Variants in PRAM1 observed in about 807,000 individuals in gnomAD.
PRAM1 encodes PML-RARA regulated adaptor molecule 1, also known as PML-RARA-regulated adapter molecule 1.
Under a neutral mutation model 55.3 loss-of-function variants are expected in PRAM1, and 41 were observed. That is an observed-to-expected ratio of 0.74 (90% CI 0.58 to 0.96). The LOEUF (loss-of-function observed/expected upper bound fraction) is 0.96, where lower values mean the gene tolerates loss of function less well. Ranked by LOEUF, PRAM1 falls within the 40% of genes least tolerant of loss-of-function variation. PRAM1 has a pLI of 0.00. For missense variants in PRAM1, 898 were observed against 892.7 expected (o/e 1.01, Z -0.08); for synonymous variants, 401 against 387.1 (o/e 1.04, Z -0.42).
At chr19:8,497,623 G>T in intron 4 of PRAM1, 141 bp downstream of exon 4, 2 of 622,420 alleles carry the variant, frequency 3.2e-6, no homozygotes, top group Non-Finnish European at 5.5e-6. Flanking sequence ...CTGGTCCTTC[G>T]CCTCTGGGCT....
intron 1 of PRAM1, 94 bp from the exon 2 acceptor site, chr19:8,499,874 AC>A: frequency 9.2e-7 from 1 of 1,092,414 alleles, no homozygotes; most frequent in Non-Finnish European, 1.3e-6. Context: ...GCCCACAACC[AC>A]CACCCCTGCG....
At chr19:8,494,694 G>T (rs1207601945) in intron 4 of PRAM1, among the ~76,000 whole-genome samples, 1 of 148,702 alleles carries the variant, frequency 6.7e-6, no homozygotes, top group Non-Finnish European at 1.5e-5. Flanking sequence ...TGCAATGGCA[G>T]GATCTCAGCT....
rs762661919 is a variant in PRAM1, at chr19:8,490,554, G to A, written c.1906+40C>T. On this transcript the variant is annotated intron_variant, in intron 7 of 9. Coordinates refer to ENST00000423345, the MANE Select transcript of PRAM1 (RefSeq NM_032152.5). The surrounding 1 kb of genome is among the most constrained non-coding windows in gnomAD (Gnocchi z 7.3). ...GGTGGGTTCTGAGGCCCAGGGTGGCGGCGGGGACCTCCCGGGGCTGCGGGG... is the reference window on the plus strand; with the variant it reads ...GGTGGGTTCTGAGGCCCAGGGTGGCAGCGGGGACCTCCCGGGGCTGCGGGG... 2.4e-5 allele frequency: 39 copies of A among 1,600,146 alleles called. No individual in the cohort carries two copies. Among genetic ancestry groups the A allele is most frequent in the South Asian group, 5.6e-5 (5 of 89,352 alleles).
At chr19:8,500,665 C>A (rs1037108136) in intron 1 of PRAM1, among the ~76,000 whole-genome samples, 1 of 152,154 alleles carries the variant, frequency 6.6e-6, no homozygotes, top group African/African-American at 2.4e-5. Context: ...CTGTCCCTGA[C>A]CCAGGACATG....
chr19:8,494,087 C>T (rs189501090), intron 4 of PRAM1, among the ~76,000 whole-genome samples: 6 of 152,304 alleles, frequency 3.9e-5, no homozygotes, highest in South Asian at 2.1e-4. Flanking sequence ...CATGAGCCAC[C>T]GCGCCCGGCC....
chr19:8,501,796 T>C (rs914615633), intron 1 of PRAM1, among the ~76,000 whole-genome samples: 1 of 152,152 alleles, frequency 6.6e-6, no homozygotes, highest in Non-Finnish European at 1.5e-5. Flanking sequence ...CAGTTGACAG[T>C]GCCTGAGAGG....
rs977193154 is a variant in PRAM1 at position 8,491,083 on chromosome 19, C to G, written c.1634+17G>C. The G allele has an allele frequency of 6.2e-7, 1 of 1,612,148 alleles. No individual in the cohort carries two copies. The highest frequency in any genetic ancestry group is 8.5e-7 in the Non-Finnish European group (1 of 1,179,844). ...GGAGCTCGCCCCCCGTCTGCCCACCCCCTCTGCCCATGGCACCTGAGCGCT... is the reference window on the plus strand; with the variant it reads ...GGAGCTCGCCCCCCGTCTGCCCACCGCCTCTGCCCATGGCACCTGAGCGCT... On this transcript the variant is annotated intron_variant, in intron 5 of 9. Coordinates refer to ENST00000423345, the MANE Select transcript of PRAM1 (RefSeq NM_032152.5).
At chr19:8,496,640 G>T (rs917127864) in intron 4 of PRAM1, among the ~76,000 whole-genome samples, 2 of 152,104 alleles carry the variant, frequency 1.3e-5, no homozygotes, top group East Asian at 1.9e-4. Context: ...CAGGAGAATC[G>T]CTTGAACACG....
In PRAM1 at chr19:8,490,818, C is replaced by A; in HGVS notation, c.1744-62G>T. On this transcript the variant is annotated intron_variant, in intron 6 of 9. Coordinates refer to ENST00000423345, the MANE Select transcript of PRAM1 (RefSeq NM_032152.5). The surrounding 1 kb of genome is among the most constrained non-coding windows in gnomAD (Gnocchi z 7.3). ...CCGCCCTTGGGCCCCTGTCTTCTTT[C>A]TGAGCCTGGGATCGGTGGGACCCTG... 1.2e-6 allele frequency: 2 copies of A among 1,607,742 alleles called. No homozygotes were observed. The highest frequency in any genetic ancestry group is 1.7e-6 in the Non-Finnish European group (2 of 1,178,864).
chr19:8,496,060 CCCT>C (rs1321414886), intron 4 of PRAM1: 4 of 456,110 alleles, frequency 8.8e-6, no homozygotes, highest in Middle Eastern at 3.3e-4. Context: ...CCACACCTCC[CCCT>C]GAGTTTCAGG....
Position 8,490,399 on chromosome 19 carries a change from G to C in PRAM1, c.1941-27C>G. The stretch of plus-strand genomic sequence containing the variant: ...TGGCAGAGCACAGTTGGGTCAGCAA[G>C]GGGCACCGTGGCCCATTCCCCCCAC... On this transcript the variant is annotated intron_variant, in intron 8 of 9. Coordinates refer to ENST00000423345, the MANE Select transcript of PRAM1 (RefSeq NM_032152.5). This position sits in a 1 kb window ranked among gnomAD's most constrained non-coding sequence, Gnocchi z 7.3. 6.2e-7 allele frequency: 1 copy of C among 1,613,904 alleles called. No homozygotes were observed. Among genetic ancestry groups the C allele is most frequent in the Non-Finnish European group, 8.5e-7 (1 of 1,179,870 alleles).
At chr19:8,500,994 G>A (rs1428944049) in intron 1 of PRAM1, among the ~76,000 whole-genome samples, 2 of 151,820 alleles carry the variant, frequency 1.3e-5, no homozygotes, top group Non-Finnish European at 2.9e-5. Context: ...TCAAACTCAC[G>A]ACCTCAGGTG....
At chr19:8,496,910 CA>C (rs977322457) in intron 4 of PRAM1, among the ~76,000 whole-genome samples, 7 of 152,192 alleles carry the variant, frequency 4.6e-5, no homozygotes, top group African/African-American at 1.7e-4. Context: ...CCTGTAGTCC[CA>C]GCTACTGGGG....
At chr19:8,499,858 G>T in intron 1 of PRAM1, 78 bp from the exon 2 acceptor site, 1 of 1,285,704 alleles carries the variant, frequency 7.8e-7, no homozygotes, top group Non-Finnish European at 1.1e-6. Flanking sequence ...GGGACCCTCA[G>T]GCACAGCCCA....
In PRAM1 at chr19:8,498,615, G is replaced by A. The variant is rs1464362155; in HGVS notation, c.1193C>T (p.Ala398Val). The A allele has an allele frequency of 6.2e-7, 1 of 1,612,528 alleles. No homozygotes were observed. The highest frequency in any genetic ancestry group is 8.5e-7 in the Non-Finnish European group (1 of 1,179,652). ...GAGCGGGTGCCGGGAGCTGAAGCCG[G>A]CCACGGCCGCAGGCAGTGAGCTCTC... The part of the protein sequence containing the change: ...ASESSLPAAV[A>V]GFSSRHPLSP... The change falls in exon 2 of 10, where the codon GCC becomes GTC. Residue 398 changes from alanine (A) to valine (V), a missense_variant. Coordinates refer to ENST00000423345, the MANE Select transcript of PRAM1 (RefSeq NM_032152.5).
Position 8,490,466 on chromosome 19 carries a change from T to A in PRAM1, c.1940+10A>T, listed in dbSNP as rs766189573. 3.2e-5 allele frequency: 52 copies of A among 1,613,000 alleles called. No homozygotes were observed. The highest frequency in any genetic ancestry group is 4.2e-5 in the Non-Finnish European group (50 of 1,179,640). On this transcript the variant is annotated intron_variant, in intron 8 of 9. Transcript: ENST00000423345. The surrounding 1 kb of genome is among the most constrained non-coding windows in gnomAD (Gnocchi z 7.3). ...CGCACTCCCCCACCACGGTCAGGGC[T>A]GGCACTCACAGGGGCAGGAGCGCTG...
intron 4 of PRAM1, among the ~76,000 whole-genome samples, chr19:8,497,383 C>T (rs1971713749): frequency 6.6e-6 from 1 of 152,054 alleles, no homozygotes; most frequent in South Asian, 2.1e-4. Context: ...CGCTCTGTGG[C>T]CCAGACTGGT....
rs1002816440 is a variant in PRAM1 at position 8,490,852 on chromosome 19, C to T, written c.1743+35G>A. ...GGATCGGTGGGACCCTGGTCTCCGCCCTGCCAGGACTCCTGCTTAGCTCAG... is the reference window on the plus strand; with the variant it reads ...GGATCGGTGGGACCCTGGTCTCCGCTCTGCCAGGACTCCTGCTTAGCTCAG... On this transcript the variant is annotated intron_variant, in intron 6 of 9. Coordinates refer to ENST00000423345, the MANE Select transcript of PRAM1 (RefSeq NM_032152.5). This position sits in a 1 kb window ranked among gnomAD's most constrained non-coding sequence, Gnocchi z 7.3. The T allele has an allele frequency of 6.2e-7, 1 of 1,610,774 alleles. No homozygotes were observed. Among genetic ancestry groups the T allele is most frequent in the Non-Finnish European group, 8.5e-7 (1 of 1,179,330 alleles).
chr19:8,499,731 TGA>T lies in PRAM1; in HGVS notation c.75_76del (p.Gln26AlafsTer14). On this transcript the variant is annotated frameshift_variant, in exon 2 of 10. Coordinates refer to ENST00000423345, the MANE Select transcript of PRAM1 (RefSeq NM_032152.5). LOFTEE classifies it high-confidence loss of function. Reference sequence around the variant, plus strand: ...TTTGGGCAGGTCGCTGGGCTCCGGCTGAGAGGCCTGGAACTTTGCTTTGATGC... The same window carrying T: ...TTTGGGCAGGTCGCTGGGCTCCGGCTGAGGCCTGGAACTTTGCTTTGATGC... 6.2e-7 allele frequency: 1 copy of T among 1,613,420 alleles called. No homozygotes were observed. The highest frequency in any genetic ancestry group is 8.5e-7 in the Non-Finnish European group (1 of 1,179,638).
Sources: allele counts gnomAD v4.1 joint callset (sites outside exome capture counted in the v4.1 genomes callset), GRCh38; gene constraint gnomAD v4.1.1; non-coding constraint Gnocchi (gnomAD v3.1); transcripts MANE v1.5; gene names NCBI Gene and HGNC (gene_info 2026-07-23, HGNC 2026-07-21).